Variants in EPHA3 observed in about 807,000 individuals in gnomAD.
The protein encoded by EPHA3 is ephrin type-A receptor 3.
In EPHA3, 42 loss-of-function variants were observed where a neutral mutation model predicts 107.1. The ratio of observed to expected loss-of-function variants is 0.39; its 90% CI spans 0.31 to 0.51. EPHA3 has a LOEUF of 0.51. Ranked by LOEUF, EPHA3 falls within the 20% of genes least tolerant of loss-of-function variation. The probability of loss-of-function intolerance (pLI) is 0.78; values close to 1 mark genes in which losing one functional copy is unlikely to be tolerated. For missense variants in EPHA3, 1,183 were observed against 1,211.2 expected, an observed-to-expected ratio of 0.98 and a Z score of 0.35; for synonymous variants, 461 against 424.8, an observed-to-expected ratio of 1.09 and a Z score of -1.05.
chr3:89,290,287 T>G (rs75461992), intron 3 of EPHA3, among the ~76,000 whole-genome samples: 10,405 of 152,242 alleles, frequency 0.068, 473 homozygotes, highest in Middle Eastern at 0.14. Flanking sequence ...CATCATGAAT[T>G]CAATAATCTT....
At chr3:89,329,726 T>C (rs777447938) in intron 3 of EPHA3, among the ~76,000 whole-genome samples, 1 of 152,098 alleles carries the variant, frequency 6.6e-6, no homozygotes, top group Non-Finnish European at 1.5e-5. Flanking sequence ...ATCTTGAAGT[T>C]TTGGGATATT....
intron 10 of EPHA3, among the ~76,000 whole-genome samples, chr3:89,413,963 T>C (rs1709201546): frequency 1.3e-5 from 2 of 151,694 alleles, no homozygotes; most frequent in Non-Finnish European, 1.5e-5. Flanking sequence ...ATGTGCAGTA[T>C]GCATGGAAGT....
intron 5 of EPHA3, among the ~76,000 whole-genome samples, chr3:89,353,330 G>C (rs1465158768): frequency 6.6e-6 from 1 of 151,356 alleles, no homozygotes; most frequent in Non-Finnish European, 1.5e-5. Context: ...ATCGGAAACT[G>C]TAAACATAAT....
At chr3:89,445,167 G>A (rs1709855700) in intron 13 of EPHA3, among the ~76,000 whole-genome samples, 1 of 152,154 alleles carries the variant, frequency 6.6e-6, no homozygotes, top group African/African-American at 2.4e-5. Context: ...TAAGGAGGCT[G>A]AGGCACAAGA....
chr3:89,476,799 G>C (rs999198849), intron 16 of EPHA3, among the ~76,000 whole-genome samples: 4 of 151,330 alleles, frequency 2.6e-5, no homozygotes, highest in African/African-American at 9.7e-5. Context: ...TAATAGAGAC[G>C]GGGTATCACC....
intron 5 of EPHA3, among the ~76,000 whole-genome samples, chr3:89,395,373 C>A (rs1708826519): frequency 6.6e-6 from 1 of 152,188 alleles, no homozygotes; most frequent in Non-Finnish European, 1.5e-5. Flanking sequence ...TACCATGGGA[C>A]TCCTTGTGCA....
At chr3:89,133,434 C>A (rs549415466) in intron 2 of EPHA3, among the ~76,000 whole-genome samples, 1 of 152,108 alleles carries the variant, frequency 6.6e-6, no homozygotes, top group African/African-American at 2.4e-5. Context: ...TTTTTGTCAA[C>A]GAGAAATAAG....
intron 1 of EPHA3, among the ~76,000 whole-genome samples, chr3:89,110,504 G>A (rs1245767603): frequency 6.6e-6 from 1 of 151,816 alleles, no homozygotes; most frequent in Non-Finnish European, 1.5e-5. Context: ...TCAAGAAAAT[G>A]ACTCCAGGTG....
intron 10 of EPHA3, among the ~76,000 whole-genome samples, chr3:89,417,523 T>C (rs1387340889): frequency 6.6e-6 from 1 of 151,500 alleles, no homozygotes; most frequent in South Asian, 2.1e-4. Context: ...GATAACCCTA[T>C]ATGAGGAAAG....
In EPHA3 at chr3:89,328,860, C is replaced by T. The variant is rs111949368; in HGVS notation, c.815-12056C>T. 4.7e-3 allele frequency among the ~76,000 whole-genome samples: 713 copies of T among 152,190 alleles called. 5 individuals carry two copies. The highest frequency in any genetic ancestry group is 0.016 in the African/African-American group (680 of 41,536). ...CAGTAAATGCTGCTTTTTACATTACCTGTAGGTATGAACTGTTCTCTCCAG... is the reference window on the plus strand; with the variant it reads ...CAGTAAATGCTGCTTTTTACATTACTTGTAGGTATGAACTGTTCTCTCCAG... On this transcript the variant is annotated intron_variant, in intron 3 of 16. Coordinates refer to ENST00000336596, the MANE Select transcript of EPHA3 (RefSeq NM_005233.6).
At position 89,399,410 on chromosome 3, in the gene EPHA3, A is replaced by G. The variant is rs749131566; in HGVS notation, c.1524A>G (p.Gln508=). The change falls in exon 7 of 17, where the codon CAA becomes CAG. Residue 508 remains glutamine, a synonymous_variant. Transcript: ENST00000336596. ...SLKPDTIYVF[Q]IRARTAAGYG... ...AGCCTGACACTATATACGTATTCCA[A>G]ATCCGAGCCCGAACAGCCGCTGGAT... The G allele has an allele frequency of 1.2e-6, 2 of 1,614,148 alleles. No individual in the cohort carries two copies. The highest frequency in any genetic ancestry group is 1.1e-5 in the South Asian group (1 of 91,084).
chr3:89,397,022 C>A (rs1349493964), intron 6 of EPHA3, among the ~76,000 whole-genome samples: 1 of 152,044 alleles, frequency 6.6e-6, no homozygotes, highest in Non-Finnish European at 1.5e-5. Context: ...TATCAGGTAC[C>A]TTTTTCTACA....
At chr3:89,409,436 T>G (rs1384931809) in intron 9 of EPHA3, among the ~76,000 whole-genome samples, 2 of 152,040 alleles carry the variant, frequency 1.3e-5, no homozygotes, top group Non-Finnish European at 2.9e-5. Flanking sequence ...AAGACCATGC[T>G]GATTTGATTT....
intron 5 of EPHA3, among the ~76,000 whole-genome samples, chr3:89,392,255 C>T (rs1011049591): frequency 5.3e-5 from 8 of 152,060 alleles, no homozygotes; most frequent in Admixed American, 2.0e-4. Context: ...GCCTTGCCAA[C>T]ATGCGAAACC....
chr3:89,419,480 T>G, intron 11 of EPHA3, 90 bp downstream of exon 11: 1 of 1,150,704 alleles, frequency 8.7e-7, no homozygotes, highest in Non-Finnish European at 1.2e-6. Flanking sequence ...TTTTGGCTTT[T>G]TTTCATAAGT....
At chr3:89,399,030 T>C (rs1265640867) in intron 6 of EPHA3, among the ~76,000 whole-genome samples, 1 of 151,812 alleles carries the variant, frequency 6.6e-6, no homozygotes, top group African/African-American at 2.4e-5. Context: ...CTCAGGAGGC[T>C]GAGGCAGGAA....
intron 2 of EPHA3, among the ~76,000 whole-genome samples, chr3:89,207,133 G>GT (rs929477882): frequency 2.0e-5 from 3 of 151,950 alleles, no homozygotes; most frequent in African/African-American, 4.8e-5. Flanking sequence ...TTCACAAATT[G>GT]TTTTTTATAA....
intron 2 of EPHA3, among the ~76,000 whole-genome samples, chr3:89,203,502 G>A (rs1316968032): frequency 6.6e-6 from 1 of 151,892 alleles, no homozygotes; most frequent in Admixed American, 6.6e-5. Flanking sequence ...GGCTGGGCGC[G>A]GTGGCTCAAG....
intron 10 of EPHA3, 54 bp from the exon 11 acceptor site, chr3:89,419,151 T>C (rs564558752): frequency 1.3e-6 from 2 of 1,501,084 alleles, no homozygotes; most frequent in East Asian, 2.3e-5. Context: ...TCTCTACTGA[T>C]GAATTTTTAT....
Sources: allele counts gnomAD v4.1 joint callset (sites outside exome capture counted in the v4.1 genomes callset), GRCh38; gene constraint gnomAD v4.1.1; transcripts MANE v1.5; gene names NCBI Gene and HGNC (gene_info 2026-07-23, HGNC 2026-07-21).